FYCO1: variants seen among roughly 807,000 people sequenced by gnomAD.
FYCO1 encodes FYVE and coiled-coil domain autophagy adaptor 1.
Under a neutral mutation model 165.1 loss-of-function variants are expected in FYCO1, and 122 were observed. The ratio of observed to expected loss-of-function variants is 0.74; its 90% confidence interval spans 0.64 to 0.86. FYCO1 has a LOEUF of 0.86. Ranked by LOEUF, FYCO1 falls within the 40% of genes least tolerant of loss-of-function variation. The probability of loss-of-function intolerance (pLI) is 0.00; values close to 1 mark genes in which losing one functional copy is unlikely to be tolerated. For synonymous variants in FYCO1, 648 were observed against 742.5 expected, an observed-to-expected ratio of 0.87 and a Z score of 2.07; for missense variants, 1,702 against 1,810.3, an observed-to-expected ratio of 0.94 and a Z score of 1.09.
rs373925165 is a variant in FYCO1, at chr3:45,966,880, G to A, written c.2454C>T (p.Ala818=). The A allele has an allele frequency of 1.1e-5, 17 of 1,613,228 alleles. No homozygotes were observed. The highest frequency in any genetic ancestry group is 2.7e-5 in the African/African-American group (2 of 74,934). Residue 818 remains alanine (A), a synonymous_variant, in exon 8 of 18, where the codon GCC becomes GCT. Coordinates refer to ENST00000296137, the MANE Select transcript of FYCO1 (RefSeq NM_024513.4). Reference sequence around the variant, plus strand: ...CAAGGGTTTTGTGCTCCCTCAGGACGGCCTCAGCCATGCTTAGCTGGCTCT... The same window carrying A: ...CAAGGGTTTTGTGCTCCCTCAGGACAGCCTCAGCCATGCTTAGCTGGCTCT... The part of the protein sequence containing the change: ...KVQSQLSMAE[A]VLREHKTLVQ...
intron 14 of FYCO1, among the ~76,000 whole-genome samples, chr3:45,949,434 A>G (rs1704853294): frequency 6.6e-6 from 1 of 152,232 alleles, no homozygotes; most frequent in African/African-American, 2.4e-5. Context: ...AAGTAGAGTC[A>G]GGAGACAGGG....
At chr3:45,959,662 T>A (rs1448416403) in intron 11 of FYCO1, 120 bp from the exon 12 acceptor site, 2 of 1,090,292 alleles carry the variant, frequency 1.8e-6, no homozygotes, top group Non-Finnish European at 2.7e-6. Flanking sequence ...AAATTCACTT[T>A]CACCTTGGAA....
intron 14 of FYCO1, chr3:45,946,661 T>C: frequency 6.2e-7 from 1 of 1,614,190 alleles, no homozygotes; most frequent in Non-Finnish European, 8.5e-7. Flanking sequence ...TCTTCTACCA[T>C]AAGTTGCAGA....
chr3:45,986,949 C>G (rs758977917), intron 1 of FYCO1, among the ~76,000 whole-genome samples: 1 of 152,132 alleles, frequency 6.6e-6, no homozygotes, highest in Non-Finnish European at 1.5e-5. Context: ...CCTGGAAGAG[C>G]CTGGCTACCC....
At position 45,971,538 on chromosome 3, in the gene FYCO1, C is replaced by T. The variant is rs1052751832; in HGVS notation, c.539+1550G>A. 4.6e-5 allele frequency among the ~76,000 whole-genome samples: 7 copies of T among 152,206 alleles called. No individual in the cohort carries two copies. In the South Asian group the frequency reaches 6.2e-4, roughly 13 times the overall value. ...CCTCATTAGTAATGAAACAAATCAA[C>T]ACTGTGTGCCTCCAGATACAGTGTG... On this transcript the variant is annotated intron_variant, in intron 6 of 17. Coordinates refer to ENST00000296137, the MANE Select transcript of FYCO1 (RefSeq NM_024513.4).
Position 45,962,705 on chromosome 3 carries a change from C to T in FYCO1, c.3270-313G>A, listed in dbSNP as rs1442608034. Among the ~76,000 whole-genome samples the T allele has an allele frequency of 1.3e-5, 2 of 152,152 alleles. No homozygotes were observed. The highest frequency in any genetic ancestry group is 2.9e-5 in the Non-Finnish European group (2 of 68,024). ...CAAGAGAAGCCTGATAGGCAAGGCT[C>T]ATGGGCTGGTGATGGGGAGGATGGG... On this transcript the variant is annotated intron_variant, in intron 10 of 17. Transcript: ENST00000296137. The surrounding 1 kb of genome is among the most constrained non-coding windows in gnomAD (Gnocchi z 4.4).
At chr3:45,941,869 C>G (rs1238875415) in intron 14 of FYCO1, among the ~76,000 whole-genome samples, 1 of 152,196 alleles carries the variant, frequency 6.6e-6, no homozygotes, top group Admixed American at 6.5e-5. Flanking sequence ...ACTCAGCTCT[C>G]AAAGCTTAAA....
At chr3:45,978,848 T>C (rs1344269070) in intron 4 of FYCO1, among the ~76,000 whole-genome samples, 1 of 148,384 alleles carries the variant, frequency 6.7e-6, no homozygotes, top group Non-Finnish European at 1.5e-5. Flanking sequence ...TGTGTGTTTG[T>C]TGTTCTGGAG....
At chr3:45,956,960 G>T (rs1328984782) in intron 13 of FYCO1, among the ~76,000 whole-genome samples, 1 of 152,118 alleles carries the variant, frequency 6.6e-6, no homozygotes, top group Non-Finnish European at 1.5e-5. Context: ...AACAAAACTG[G>T]AGTCACTCTA....
At chr3:45,950,109 A>G (rs1424980972) in intron 14 of FYCO1, among the ~76,000 whole-genome samples, 3 of 152,064 alleles carry the variant, frequency 2.0e-5, no homozygotes, top group Non-Finnish European at 4.4e-5. Flanking sequence ...TCCCAATCTC[A>G]GCCCACCCTT....
At chr3:45,954,062 C>T (rs142055939) in intron 14 of FYCO1, among the ~76,000 whole-genome samples, 1,629 of 152,328 alleles carry the variant, frequency 0.011, 17 homozygotes, top group Non-Finnish European at 0.018. Flanking sequence ...CTCACTGTTG[C>T]CTCTGTGACT....
chr3:45,943,147 CA>C (rs1465999901), intron 14 of FYCO1, among the ~76,000 whole-genome samples: 1 of 152,176 alleles, frequency 6.6e-6, no homozygotes, highest in Non-Finnish European at 1.5e-5. Flanking sequence ...CTAACTGTTC[CA>C]AAAAGATGTC....
intron 16 of FYCO1, 71 bp from the exon 17 acceptor site, chr3:45,923,836 C>T (rs1219385303): frequency 1.9e-6 from 2 of 1,038,162 alleles, no homozygotes; most frequent in African/African-American, 1.6e-5. Flanking sequence ...CAGGGAAGAC[C>T]CTTTATTTTG....
At chr3:45,978,858 GTTT>G (rs35365813) in intron 4 of FYCO1, among the ~76,000 whole-genome samples, 1 of 139,684 alleles carries the variant, frequency 7.2e-6, no homozygotes, top group Admixed American at 7.1e-5. Flanking sequence ...TTGTTCTGGA[GTTT>G]TTTTTTTTTT....
At chr3:45,954,946 C>T (rs1159814825) in intron 14 of FYCO1, among the ~76,000 whole-genome samples, 3 of 152,200 alleles carry the variant, frequency 2.0e-5, no homozygotes, top group East Asian at 1.9e-4. Context: ...TTAAGCCACC[C>T]GGTCTGCGGT....
intron 17 of FYCO1, 117 bp from the exon 18 acceptor site, chr3:45,921,957 G>A: frequency 5.5e-6 from 4 of 730,040 alleles, no homozygotes; most frequent in South Asian, 1.4e-5. Flanking sequence ...TGTGGGTGCT[G>A]GAGCCCCATG....
chr3:45,923,143 G>A (rs780016803), intron 17 of FYCO1, among the ~76,000 whole-genome samples: 15 of 152,208 alleles, frequency 9.9e-5, no homozygotes, highest in Non-Finnish European at 2.2e-4. Flanking sequence ...CCCAGAGATG[G>A]CACCTGTCGC....
Position 45,984,749 on chromosome 3 carries a change from C to T in FYCO1, c.55+107G>A, listed in dbSNP as rs1261110851. ...ATGTGACCTGAGGACTCCAATTACT[C>T]GTTGTGTGAACAAAAATGAAAGGGT... is the stretch of plus-strand genomic sequence containing the variant. On this transcript the variant is annotated intron_variant, in intron 2 of 17. Coordinates refer to ENST00000296137, the MANE Select transcript of FYCO1 (RefSeq NM_024513.4). 2.5e-5 allele frequency: 28 copies of T among 1,138,994 alleles called. 1 individual carries two copies. The highest frequency in any genetic ancestry group is 1.7e-4 in the South Asian group (14 of 80,642). 70.6% of individuals were successfully genotyped at this position (1,138,994 alleles called of 1,614,324 possible). A position where few individuals can be genotyped will look rare whatever the true frequency, so the allele number is the denominator to read the frequency against.
intron 13 of FYCO1, among the ~76,000 whole-genome samples, chr3:45,955,889 G>A (rs1420307529): frequency 6.6e-6 from 1 of 152,208 alleles, no homozygotes; most frequent in African/African-American, 2.4e-5. Flanking sequence ...AGGGCTTGCA[G>A]CAGGCACTGG....
Sources: gnomAD v4.1 joint callset for allele counts (sites outside exome capture counted in the v4.1 genomes callset) on GRCh38, gnomAD v4.1.1 for gene constraint, Gnocchi (gnomAD v3.1) non-coding constraint, MANE v1.5 for transcripts, NCBI Gene and HGNC (gene_info 2026-07-23, HGNC 2026-07-21) for gene names.